USH2A: variants seen among roughly 807,000 people sequenced by gnomAD.
USH2A encodes Usher syndrome 2A (autosomal recessive, mild).
Under a neutral mutation model 538.9 loss-of-function variants are expected in USH2A, and 443 were observed. The ratio of observed to expected loss-of-function variants is 0.82; its 90% CI spans 0.76 to 0.89. USH2A has a LOEUF of 0.89. USH2A is among the 40% of genes least tolerant of loss of function. USH2A has a pLI of 0.00. For missense variants in USH2A, 6,633 were observed against 6,324.8 expected (o/e 1.05, Z -1.65); for synonymous variants, 2,413 against 2,273.5 (o/e 1.06, Z -1.75).
At chr1:215,714,251 TA>T (rs1659420917) in intron 61 of USH2A, among the ~76,000 whole-genome samples, 1 of 152,062 alleles carries the variant, frequency 6.6e-6, no homozygotes, top group Non-Finnish European at 1.5e-5. Context: ...AGCTAAATAT[TA>T]AAGAGAAAAA....
At chr1:216,243,073 C>T (rs2035967842) in intron 13 of USH2A, among the ~76,000 whole-genome samples, 1 of 152,164 alleles carries the variant, frequency 6.6e-6, no homozygotes, top group African/African-American at 2.4e-5. Context: ...CTTGATCATT[C>T]TAGCTTTTCA....
intron 64 of USH2A, among the ~76,000 whole-genome samples, chr1:215,665,254 T>C (rs1285675203): frequency 6.6e-6 from 1 of 152,174 alleles, no homozygotes. Flanking sequence ...CCATTCTGCA[T>C]GGGCTCCTGC....
chr1:215,952,046 A>C (rs1405072862), intron 37 of USH2A, among the ~76,000 whole-genome samples: 2 of 148,608 alleles, frequency 1.3e-5, no homozygotes, highest in African/African-American at 5.0e-5. Context: ...TTGTCTTTTT[A>C]GTAGAGACGG....
At chr1:215,903,720 G>T (rs143031082) in intron 38 of USH2A, among the ~76,000 whole-genome samples, 3 of 152,062 alleles carry the variant, frequency 2.0e-5, no homozygotes, top group African/African-American at 7.2e-5. Context: ...TTGATGATGC[G>T]CAGTTTCTTA....
chr1:215,799,699 T>C (rs1191458736), intron 49 of USH2A, among the ~76,000 whole-genome samples: 1 of 152,120 alleles, frequency 6.6e-6, no homozygotes, highest in Non-Finnish European at 1.5e-5. Context: ...AAGAATAAGA[T>C]AATCCACCAG....
In USH2A at chr1:216,238,275, A is replaced by C. The variant is rs867070856; in HGVS notation, c.2810-6139T>G. ...TTTATTCCAAAGCTACAGAGTCTTC[A>C]ATATGCACTCTCTGCCTCTAGTTCT... On this transcript the variant is annotated intron_variant, in intron 13 of 71. Transcript: ENST00000307340. Among the ~76,000 whole-genome samples, 3 of 152,162 alleles carry C rather than the reference A, an allele frequency of 2.0e-5. No homozygotes were observed. In the South Asian group the frequency reaches 6.2e-4, roughly 32 times the overall value.
intron 16 of USH2A, among the ~76,000 whole-genome samples, chr1:216,206,975 C>G (rs1426701745): frequency 6.6e-6 from 1 of 152,152 alleles, no homozygotes; most frequent in Non-Finnish European, 1.5e-5. Context: ...TGAACTCACA[C>G]AGACACCTCA....
intron 11 of USH2A, among the ~76,000 whole-genome samples, chr1:216,251,442 CTTTTTTTT>C (rs779947689): frequency 2.5e-5 from 2 of 80,386 alleles, no homozygotes; most frequent in Admixed American, 2.0e-4. Context: ...ACCACTTCCC[CTTTTTTTT>C]TTTTTTTTTT....
At chr1:216,355,307 A>AAAGAAAGAAAGAAAGAAAG (rs2038363602) in intron 4 of USH2A, among the ~76,000 whole-genome samples, 2 of 103,402 alleles carry the variant, frequency 1.9e-5, no homozygotes, top group East Asian at 5.3e-4. Context: ...CTCTGCTTCA[A>AAAGAAAGAAAGAAAGAAAG]AAAGAAAGAA....
At chr1:215,936,470 C>G (rs1017876837) in intron 37 of USH2A, among the ~76,000 whole-genome samples, 4 of 152,010 alleles carry the variant, frequency 2.6e-5, no homozygotes, top group African/African-American at 9.7e-5. Context: ...CTTAATATTT[C>G]TGAATGTCTG....
intron 25 of USH2A, among the ~76,000 whole-genome samples, chr1:216,084,391 T>A (rs1370166918): frequency 6.6e-6 from 1 of 152,164 alleles, no homozygotes; most frequent in Non-Finnish European, 1.5e-5. Flanking sequence ...TAAGTACACC[T>A]CTCTAACTGC....
At chr1:215,708,638 G>A (rs1180722740) in intron 61 of USH2A, among the ~76,000 whole-genome samples, 4 of 152,080 alleles carry the variant, frequency 2.6e-5, no homozygotes, top group Admixed American at 6.5e-5. Flanking sequence ...GATCCCTTGC[G>A]TGCGCAGTTC....
intron 30 of USH2A, among the ~76,000 whole-genome samples, chr1:216,059,459 TA>T (rs2031098805): frequency 6.6e-6 from 1 of 152,222 alleles, no homozygotes; most frequent in African/African-American, 2.4e-5. Context: ...TGGGAAACCC[TA>T]AAATTATTCA....
intron 3 of USH2A, among the ~76,000 whole-genome samples, chr1:216,410,329 T>C (rs965248861): frequency 1.3e-5 from 2 of 152,240 alleles, no homozygotes; most frequent in South Asian, 4.1e-4. Context: ...ACTACCATTA[T>C]ACCCAGCAAT....
At chr1:215,861,314 A>T (rs1476035788) in intron 44 of USH2A, among the ~76,000 whole-genome samples, 1 of 152,242 alleles carries the variant, frequency 6.6e-6, no homozygotes, top group Non-Finnish European at 1.5e-5. Context: ...TAGTTAAAAA[A>T]CAGGATAGCT....
intron 61 of USH2A, among the ~76,000 whole-genome samples, chr1:215,699,447 T>A (rs1173381555): frequency 6.6e-6 from 1 of 152,220 alleles, no homozygotes; most frequent in Admixed American, 6.5e-5. Context: ...TTCCTATCCA[T>A]GAGCATGGAA....
intron 32 of USH2A, among the ~76,000 whole-genome samples, chr1:216,025,393 A>ATTTTTTTTTTTTTTT (rs1319031798): frequency 2.6e-5 from 4 of 151,740 alleles, no homozygotes; most frequent in African/African-American, 9.7e-5. Context: ...ATTTTACAAT[A>ATTTTTTTTTTTTTTT]TTTTTATTTT....
At chr1:215,833,833 T>C (rs904894575) in intron 47 of USH2A, among the ~76,000 whole-genome samples, 1 of 151,924 alleles carries the variant, frequency 6.6e-6, no homozygotes, top group Non-Finnish European at 1.5e-5. Context: ...TTTAAAAAAT[T>C]TTCAAAACTC....
rs757969181 is a variant in USH2A at position 216,323,578 on chromosome 1, G to A, written c.1446C>T (p.Ala482=). 7 of 1,613,500 alleles carry A rather than the reference G, an allele frequency of 4.3e-6. No homozygotes were observed. The highest frequency in any genetic ancestry group is 5.1e-6 in the Non-Finnish European group (6 of 1,179,762). ...CATGAAAATGAAACCTTATTTGCGTGGCTTTTACGAACTCTTGAAGAGATG... is the reference window on the plus strand; with the variant it reads ...CATGAAAATGAAACCTTATTTGCGTAGCTTTTACGAACTCTTGAAGAGATG... ...NTPSLQEFVK[A]TQIRFHFHGQ... is the part of the protein sequence containing the mutation. The change falls in exon 8 of 72, where the codon GCC becomes GCT. Residue 482 remains alanine, a synonymous_variant. Coordinates refer to ENST00000307340, the MANE Select transcript of USH2A (RefSeq NM_206933.4).
Sources: gnomAD v4.1 joint callset for allele counts (sites outside exome capture counted in the v4.1 genomes callset) on GRCh38, gnomAD v4.1.1 for gene constraint, MANE v1.5 for transcripts, NCBI Gene and HGNC (gene_info 2026-07-23, HGNC 2026-07-21) for gene names.